NPAS3: variants seen among roughly 807,000 people sequenced by gnomAD.
NPAS3 encodes neuronal PAS domain-containing protein 3.
A neutral mutation model predicts 73.1 loss-of-function variants in NPAS3; 14 were observed. That is an observed-to-expected ratio of 0.19 (90% CI 0.13 to 0.30). The LOEUF (loss-of-function observed/expected upper bound fraction) is 0.30, where lower values mean the gene tolerates loss of function less well. Ranked by LOEUF, NPAS3 falls within the 10% of genes least tolerant of loss-of-function variation. The pLI is 1.00. For missense variants in NPAS3, 1,096 were observed against 1,250.0 expected (o/e 0.88, Z 1.86); for synonymous variants, 620 against 541.5 (o/e 1.14, Z -2.01).
intron 2 of NPAS3, among the ~76,000 whole-genome samples, chr14:33,076,586 T>A (rs1260646070): frequency 2.0e-5 from 3 of 152,180 alleles, no homozygotes; most frequent in African/African-American, 7.2e-5. Context: ...GCAGCAAGAT[T>A]ATATTAACAT....
chr14:33,713,068 C>T (rs545259027), intron 6 of NPAS3, among the ~76,000 whole-genome samples: 1 of 152,270 alleles, frequency 6.6e-6, no homozygotes, highest in Non-Finnish European at 1.5e-5. Flanking sequence ...TTCTCTCTTA[C>T]TGAAGGTGTT....
At chr14:33,264,763 T>G (rs2139979060) in intron 3 of NPAS3, among the ~76,000 whole-genome samples, 1 of 152,260 alleles carries the variant, frequency 6.6e-6, no homozygotes, top group South Asian at 2.1e-4. Context: ...TTCCTTCCTC[T>G]CCTTTTCTGA....
chr14:33,397,537 T>TAA (rs534617819), intron 4 of NPAS3, among the ~76,000 whole-genome samples: 301 of 152,278 alleles, frequency 2.0e-3, no homozygotes, highest in Middle Eastern at 6.8e-3. Flanking sequence ...TGCTTTATTC[T>TAA]AATTAGTCAA....
At chr14:33,059,613 T>C (rs1212331002) in intron 2 of NPAS3, among the ~76,000 whole-genome samples, 1 of 152,240 alleles carries the variant, frequency 6.6e-6, no homozygotes, top group East Asian at 1.9e-4. Flanking sequence ...AGTGGTCTTT[T>C]ACAGTTTACA....
intron 4 of NPAS3, among the ~76,000 whole-genome samples, chr14:33,411,420 T>C (rs2047922635): frequency 1.3e-5 from 2 of 152,182 alleles, no homozygotes; most frequent in African/African-American, 2.4e-5. Context: ...TGACCTCAGG[T>C]GATCCACCTG....
At chr14:33,564,071 A>G (rs138122072) in intron 5 of NPAS3, among the ~76,000 whole-genome samples, 1,711 of 152,286 alleles carry the variant, frequency 0.011, 31 homozygotes, top group African/African-American at 0.039. Flanking sequence ...ATAAACACAT[A>G]TGATAAAAAT....
rs202107075 is a variant in NPAS3 at position 33,642,236 on chromosome 14, G to A, written c.559-33975G>A. On this transcript the variant is annotated intron_variant, in intron 5 of 11. Transcript: ENST00000356141. ...CTTAGAGCTCTAGCTTTAGAGAGGA[G>A]GTCAGAGCCGCTGTAATGGCACATT... Among the ~76,000 whole-genome samples the A allele has an allele frequency of 9.9e-5, 15 of 152,208 alleles. No individual in the cohort carries two copies. The East Asian group carries it at 2.7e-3, about 28-fold the overall frequency.
At chr14:33,339,890 CAT>C (rs1022664639) in intron 3 of NPAS3, among the ~76,000 whole-genome samples, 1 of 152,020 alleles carries the variant, frequency 6.6e-6, no homozygotes, top group Admixed American at 6.5e-5. Flanking sequence ...ATATATGACA[CAT>C]AAAATATAAT....
chr14:33,166,711 C>G (rs991402957), intron 2 of NPAS3, among the ~76,000 whole-genome samples: 2 of 152,128 alleles, frequency 1.3e-5, no homozygotes, highest in Admixed American at 6.5e-5. Context: ...AATTATGGTG[C>G]TGGCTTCCAT....
At chr14:33,198,225 AAAGCTTCCACAGCATGGAAGGGGACCC>A (rs2046456466) in intron 2 of NPAS3, among the ~76,000 whole-genome samples, 1 of 152,218 alleles carries the variant, frequency 6.6e-6, no homozygotes, top group Non-Finnish European at 1.5e-5. Context: ...GCAAAAGAAC[AAAGCTTCCACAGCATGGAAGGGGACCC>A]AAGCAGTTTG....
intron 6 of NPAS3, among the ~76,000 whole-genome samples, chr14:33,679,989 T>A (rs1469684747): frequency 6.6e-6 from 1 of 152,216 alleles, no homozygotes; most frequent in African/African-American, 2.4e-5. Flanking sequence ...TGTTATAAAG[T>A]CCGAGAGTGC....
At chr14:33,054,704 C>T (rs1352683525) in intron 1 of NPAS3, among the ~76,000 whole-genome samples, 2 of 151,634 alleles carry the variant, frequency 1.3e-5, no homozygotes, top group South Asian at 2.1e-4. Flanking sequence ...ACTCTGCCTC[C>T]CAGATTCACA....
chr14:33,308,527 T>TATATATATATACACACAC, intron 3 of NPAS3, among the ~76,000 whole-genome samples: 13,645 of 102,296 alleles, frequency 0.13, 1,499 homozygotes, highest in Middle Eastern at 0.21. Context: ...TATATATATA[T>TATATATATATACACACAC]ACATACACAC....
intron 1 of NPAS3, among the ~76,000 whole-genome samples, chr14:32,966,695 G>C (rs60225758): frequency 2.3e-5 from 3 of 129,068 alleles, no homozygotes; most frequent in Admixed American, 7.3e-5. Flanking sequence ...GCGTGAACCC[G>C]GGAAGCGGAG....
chr14:33,070,993 G>T (rs2041466117), intron 2 of NPAS3, among the ~76,000 whole-genome samples: 1 of 152,052 alleles, frequency 6.6e-6, no homozygotes, highest in African/African-American at 2.4e-5. Flanking sequence ...ATAAATTTTT[G>T]CTCTTATTAG....
chr14:33,646,574 T>A (rs186499526), intron 5 of NPAS3, among the ~76,000 whole-genome samples: 1 of 152,208 alleles, frequency 6.6e-6, no homozygotes, highest in Non-Finnish European at 1.5e-5. Flanking sequence ...GATCTCATAG[T>A]CCTTCATGGC....
chr14:33,408,886 A>G (rs1229872727), intron 4 of NPAS3, among the ~76,000 whole-genome samples: 1 of 152,144 alleles, frequency 6.6e-6, no homozygotes, highest in African/African-American at 2.4e-5. Flanking sequence ...AGTCCTCCAG[A>G]GGAAAGTGGA....
intron 1 of NPAS3, among the ~76,000 whole-genome samples, chr14:33,041,612 G>T (rs1030460166): frequency 6.6e-6 from 1 of 152,142 alleles, no homozygotes; most frequent in Non-Finnish European, 1.5e-5. Flanking sequence ...AACACTAGGG[G>T]TTTGGTCTAG....
At chr14:33,193,917 T>C (rs1395806120) in intron 2 of NPAS3, among the ~76,000 whole-genome samples, 2 of 152,166 alleles carry the variant, frequency 1.3e-5, no homozygotes, top group African/African-American at 4.8e-5. Context: ...TTTGCAGTAA[T>C]AGAAGAAGCC....
Sources: gnomAD v4.1 joint callset for allele counts (sites outside exome capture counted in the v4.1 genomes callset) on GRCh38, gnomAD v4.1.1 for gene constraint, MANE v1.5 for transcripts, NCBI Gene and HGNC (gene_info 2026-07-23, HGNC 2026-07-21) for gene names.